Variants in CNTN1 observed in about 807,000 individuals in gnomAD.
CNTN1 encodes contactin 1, also known as contactin-1.
A neutral mutation model predicts 126.4 loss-of-function variants in CNTN1; 38 were observed. The observed-to-expected ratio is 0.30, with a 90% CI of 0.23 to 0.39. The LOEUF (loss-of-function observed/expected upper bound fraction) is 0.39, where lower values mean the gene tolerates loss of function less well. CNTN1 is among the 10% of genes least tolerant of loss of function. The pLI, the probability that CNTN1 is intolerant of heterozygous loss-of-function variation, is 1.00. For synonymous variants in CNTN1, 413 were observed against 422.6 expected (o/e 0.98, Z 0.28); for missense variants, 1,009 against 1,248.4 (o/e 0.81, Z 2.89).
chr12:41,028,573 A>G (rs1000886511), intron 22 of CNTN1, among the ~76,000 whole-genome samples: 1 of 152,078 alleles, frequency 6.6e-6, no homozygotes, highest in Admixed American at 6.6e-5. Context: ...CACCCAGAAA[A>G]CTCCTTGATA....
At chr12:40,773,633 G>GTATATATATATATATA (rs371522549) in intron 1 of CNTN1, among the ~76,000 whole-genome samples, 2 of 46,650 alleles carry the variant, frequency 4.3e-5, no homozygotes, top group African/African-American at 1.3e-4. Flanking sequence ...ACCAGAAACT[G>GTATATATATATATATA]TATATATATA....
chr12:41,024,129 G>C (rs1210922415), intron 20 of CNTN1, among the ~76,000 whole-genome samples: 2 of 152,106 alleles, frequency 1.3e-5, no homozygotes, highest in Non-Finnish European at 2.9e-5. Context: ...CCTCACTTTT[G>C]TGAAGTGAAT....
intron 1 of CNTN1, among the ~76,000 whole-genome samples, chr12:40,767,726 C>T (rs1397073429): frequency 1.3e-5 from 2 of 152,054 alleles, no homozygotes; most frequent in Admixed American, 6.6e-5. Context: ...CTCCACCTCC[C>T]GGGTCTACTG....
intron 1 of CNTN1, among the ~76,000 whole-genome samples, chr12:40,786,081 C>T (rs2136457667): frequency 6.6e-6 from 1 of 152,276 alleles, no homozygotes; most frequent in African/African-American, 2.4e-5. Flanking sequence ...GGTCAGACGT[C>T]CAGTATGGAC....
At chr12:40,710,625 A>C (rs2121161551) in intron 1 of CNTN1, among the ~76,000 whole-genome samples, 1 of 152,280 alleles carries the variant, frequency 6.6e-6, no homozygotes, top group East Asian at 1.9e-4. Context: ...AGCTGTACTG[A>C]TAAATTTCCA....
At position 40,816,060 on chromosome 12, in the gene CNTN1, T is replaced by C. The variant is rs578121280; in HGVS notation, c.-76-92297T>C. Among the ~76,000 whole-genome samples the C allele has an allele frequency of 3.3e-5, 5 of 152,322 alleles. No homozygotes were observed. In the East Asian group the frequency reaches 7.7e-4, roughly 23 times the overall value. ...TGCTGGATTCAGCTAGCCAGTATTT[T>C]ATTGAAGGTTTTTGCATTGATGTTC... On this transcript the variant is annotated intron_variant, in intron 1 of 23. Transcript: ENST00000551295.
At chr12:40,725,076 T>C (rs1471551071) in intron 1 of CNTN1, among the ~76,000 whole-genome samples, 1 of 152,174 alleles carries the variant, frequency 6.6e-6, no homozygotes, top group Non-Finnish European at 1.5e-5. Context: ...TCAGGCCCGT[T>C]ACCTCCCTTT....
intron 23 of CNTN1, among the ~76,000 whole-genome samples, chr12:41,068,158 C>T (rs1008910445): frequency 6.6e-6 from 1 of 152,086 alleles, no homozygotes. Flanking sequence ...AATTCTAATC[C>T]CTTCTCTGCC....
chr12:40,890,379 G>A (rs1944199355), intron 1 of CNTN1, among the ~76,000 whole-genome samples: 1 of 151,950 alleles, frequency 6.6e-6, no homozygotes, highest in Admixed American at 6.6e-5. Flanking sequence ...TTTACATTAG[G>A]GTTACTCTTG....
chr12:40,913,520 A>G (rs1039437608), intron 3 of CNTN1, among the ~76,000 whole-genome samples: 2 of 152,170 alleles, frequency 1.3e-5, no homozygotes, highest in South Asian at 4.1e-4. Context: ...TTCTTACAAC[A>G]TGCTTATGTA....
intron 6 of CNTN1, among the ~76,000 whole-genome samples, chr12:40,926,187 A>AGATAGATAGAT (rs1491259942): frequency 3.3e-5 from 5 of 150,826 alleles, no homozygotes; most frequent in Non-Finnish European, 7.4e-5. Flanking sequence ...ATAGATAGAT[A>AGATAGATAGAT]GATAGATAGA....
chr12:41,022,197 T>C (rs1948929460), intron 20 of CNTN1, among the ~76,000 whole-genome samples: 1 of 152,182 alleles, frequency 6.6e-6, no homozygotes, highest in Non-Finnish European at 1.5e-5. Flanking sequence ...AGATGATAAT[T>C]AAATTAAATA....
intron 1 of CNTN1, among the ~76,000 whole-genome samples, chr12:40,834,838 T>C (rs1418819193): frequency 6.6e-6 from 1 of 152,046 alleles, no homozygotes; most frequent in Non-Finnish European, 1.5e-5. Flanking sequence ...AGAAGGAAAA[T>C]TTTAGTATAA....
chr12:41,025,377 C>T (rs1291301805), intron 21 of CNTN1, 41 bp downstream of exon 21: 7 of 1,578,490 alleles, frequency 4.4e-6, no homozygotes, highest in South Asian at 3.3e-5. Context: ...CAAAAACTAC[C>T]ACTGGATTCA....
intron 21 of CNTN1, among the ~76,000 whole-genome samples, chr12:41,027,355 C>T (rs950765291): frequency 6.6e-6 from 1 of 151,944 alleles, no homozygotes; most frequent in African/African-American, 2.4e-5. Context: ...AATCATCCAA[C>T]AGTTACAAGT....
intron 1 of CNTN1, among the ~76,000 whole-genome samples, chr12:40,790,915 T>C (rs1055696343): frequency 3.3e-5 from 5 of 152,170 alleles, no homozygotes; most frequent in Non-Finnish European, 7.4e-5. Flanking sequence ...AGGTCTGGGC[T>C]TTTATTCTCA....
At chr12:40,897,861 T>C (rs947601908) in intron 1 of CNTN1, among the ~76,000 whole-genome samples, 1 of 152,138 alleles carries the variant, frequency 6.6e-6, no homozygotes, top group East Asian at 1.9e-4. Flanking sequence ...TATGATGATA[T>C]TTTCTTGTAG....
At chr12:40,740,118 T>C (rs1937872728) in intron 1 of CNTN1, among the ~76,000 whole-genome samples, 1 of 152,036 alleles carries the variant, frequency 6.6e-6, no homozygotes, top group Non-Finnish European at 1.5e-5. Context: ...ATCTGAGTGA[T>C]GAAAAATAAA....
chr12:41,067,099 T>C (rs2121148330), intron 23 of CNTN1, among the ~76,000 whole-genome samples: 1 of 152,310 alleles, frequency 6.6e-6, no homozygotes, highest in Non-Finnish European at 1.5e-5. Context: ...ATATATGTCA[T>C]TTAAAATGAC....
Sources: allele counts gnomAD v4.1 joint callset (sites outside exome capture counted in the v4.1 genomes callset), GRCh38; gene constraint gnomAD v4.1.1; transcripts MANE v1.5; gene names NCBI Gene and HGNC (gene_info 2026-07-23, HGNC 2026-07-21).